S100PBP: variants seen among roughly 807,000 people sequenced by gnomAD.
The protein encoded by S100PBP is S100P-binding protein.
S100PBP carries 15 observed loss-of-function variants against 39.9 expected under a neutral mutation model. That is an observed-to-expected ratio of 0.38 (90% confidence interval 0.25 to 0.58). S100PBP has a LOEUF of 0.58. Among genes scored for constraint, S100PBP ranks in the 20% least tolerant of loss-of-function variants. The probability of loss-of-function intolerance (pLI) is 0.70; values close to 1 mark genes in which losing one functional copy is unlikely to be tolerated. For missense variants in S100PBP, 504 were observed against 487.3 expected (o/e 1.03, Z -0.32); for synonymous variants, 178 against 180.3 (o/e 0.99, Z 0.10).
Position 32,826,391 on chromosome 1 carries a change from A to C in S100PBP, c.292A>C (p.Lys98Gln). Reference sequence around the variant, plus strand: ...AATTCTACTTGATACTCCCCGAGAGAAAAATTCATCGTACAGCCTGGGACC... The same window carrying C: ...AATTCTACTTGATACTCCCCGAGAGCAAAATTCATCGTACAGCCTGGGACC... Reference protein sequence around the residue: ...SQILLDTPREKNSSYSLGPVA... With the variant: ...SQILLDTPREQNSSYSLGPVA... Residue 98 changes from lysine (K) to glutamine (Q), a missense_variant, in exon 3 of 7, where the codon AAA becomes CAA. Transcript: ENST00000373475. 6.2e-7 allele frequency: 1 copy of C among 1,614,144 alleles called. No homozygotes were observed. Among genetic ancestry groups the C allele is most frequent in the Middle Eastern group, 1.6e-4 (1 of 6,062 alleles).
At chr1:32,833,370 CT>C (rs747323217) in intron 5 of S100PBP, among the ~76,000 whole-genome samples, 766 of 141,046 alleles carry the variant, frequency 5.4e-3, no homozygotes, top group Non-Finnish European at 7.9e-3. Context: ...TTATTATTTT[CT>C]TTTTTTTTTT....
rs2148648070 is a variant in S100PBP at position 32,827,987 on chromosome 1, A to G, written c.832-6A>G. ...TTTCCTTTTGCATTCCTTTTCCTCA[A>G]AAAAGCAGGATGTTCTTAACAAGGA... On this transcript the variant is annotated splice_region_variant and splice_polypyrimidine_tract_variant and intron_variant, in intron 3 of 6. Transcript: ENST00000373475. The G allele has an allele frequency of 1.2e-6, 2 of 1,600,208 alleles. No homozygotes were observed.
intron 5 of S100PBP, among the ~76,000 whole-genome samples, chr1:32,838,103 A>T (rs554063548): frequency 5.3e-5 from 8 of 152,118 alleles, no homozygotes; most frequent in Admixed American, 4.6e-4. Context: ...GCACTTTTGG[A>T]GGCCGAGGCG....
intron 1 of S100PBP, among the ~76,000 whole-genome samples, chr1:32,823,928 G>T (rs1639198732): frequency 1.3e-5 from 2 of 152,240 alleles, no homozygotes; most frequent in Non-Finnish European, 2.9e-5. Flanking sequence ...GCTGGGTGCA[G>T]TGGCTCACGC....
At chr1:32,829,720 G>A (rs551667916) in intron 4 of S100PBP, among the ~76,000 whole-genome samples, 1 of 152,258 alleles carries the variant, frequency 6.6e-6, no homozygotes, top group African/African-American at 2.4e-5. Context: ...GATACTCCCA[G>A]AGTGCTGGGA....
At chr1:32,836,732 T>A (rs578112072) in intron 5 of S100PBP, 1 of 272,406 alleles carries the variant, frequency 3.7e-6, no homozygotes, top group East Asian at 1.8e-4. Flanking sequence ...TTTCCTCTGC[T>A]GCCCTCCTGG....
At chr1:32,855,606 GTT>G in intron 6 of S100PBP, among the ~76,000 whole-genome samples, 1 of 149,232 alleles carries the variant, frequency 6.7e-6, no homozygotes, top group South Asian at 2.1e-4. Flanking sequence ...GAATAAAATG[GTT>G]TTTTTTTTCT....
upstream of S100PBP, chr1:32,817,596 C>T: frequency 2.3e-6 from 1 of 443,846 alleles, no homozygotes; most frequent in African/African-American, 2.0e-5. Context: ...CCGGCTGACT[C>T]GGGGTAGGGG....
At chr1:32,853,293 G>A (rs1227955895) in intron 6 of S100PBP, 127 bp downstream of exon 6, 4 of 365,680 alleles carry the variant, frequency 1.1e-5, no homozygotes, top group Non-Finnish European at 2.0e-5. Flanking sequence ...GGCTAACATG[G>A]TGAAACCCCA....
intron 1 of S100PBP, among the ~76,000 whole-genome samples, chr1:32,822,408 A>G (rs1639114430): frequency 6.6e-6 from 1 of 151,830 alleles, no homozygotes; most frequent in African/African-American, 2.4e-5. Context: ...AGGTCAGGAG[A>G]TCAAGACCAT....
At chr1:32,829,403 A>C (rs1024565123) in intron 4 of S100PBP, among the ~76,000 whole-genome samples, 1 of 151,846 alleles carries the variant, frequency 6.6e-6, no homozygotes, top group African/African-American at 2.4e-5. Context: ...AGTAATCTTC[A>C]CCTTTCTATT....
intron 5 of S100PBP, among the ~76,000 whole-genome samples, chr1:32,838,773 G>T (rs1201662567): frequency 6.6e-6 from 1 of 151,930 alleles, no homozygotes; most frequent in Non-Finnish European, 1.5e-5. Context: ...AACCCAGGAG[G>T]CAGAGGTTGC....
At position 32,856,000 on chromosome 1, in the gene S100PBP, C is replaced by A. The variant is rs766615926; in HGVS notation, c.1189C>A (p.His397Asn). ...QWVDRNMRSH[H>N]RFQRLPDFSY... ...GGTTGACAGGAACATGCGAAGCCAC[C>A]ATCGGTTCCAGCGTCTCCCAGACTT... The change falls in exon 7 of 7, where the codon CAT becomes AAT. Residue 397 changes from histidine (H) to asparagine (N), a missense_variant. Physicochemically the swap from His to Asn is moderately conservative, Grantham distance 68 (BLOSUM62 1). Coordinates refer to ENST00000373475, the MANE Select transcript of S100PBP (RefSeq NM_022753.4). 12 of 1,613,478 alleles carry A rather than the reference C, an allele frequency of 7.4e-6. No individual in the cohort carries two copies. The highest frequency in any genetic ancestry group is 1.0e-5 in the Non-Finnish European group (12 of 1,179,636).
intron 1 of S100PBP, among the ~76,000 whole-genome samples, chr1:32,824,531 G>A (rs1460024249): frequency 2.6e-5 from 4 of 151,382 alleles, no homozygotes; most frequent in East Asian, 3.9e-4. Context: ...TGGTCCCTGC[G>A]AGTTATAATA....
intron 6 of S100PBP, among the ~76,000 whole-genome samples, chr1:32,854,158 A>G (rs754712725): frequency 6.6e-6 from 1 of 152,296 alleles, no homozygotes; most frequent in South Asian, 2.1e-4. Flanking sequence ...TATTCAGTCT[A>G]TCAGCAAATC....
intron 5 of S100PBP, chr1:32,843,060 AGTATCTGT>A (rs1640194162): frequency 6.6e-6 from 1 of 152,114 alleles, no homozygotes; most frequent in African/African-American, 2.4e-5. Flanking sequence ...TTAAAATTTC[AGTATCTGT>A]TCATTGCTAT....
chr1:32,855,394 T>C lies in S100PBP; in HGVS notation c.1113-530T>C, dbSNP rs557264877. On this transcript the variant is annotated intron_variant, in intron 6 of 6. Transcript: ENST00000373475. Reference sequence around the variant, plus strand: ...CCCAGCACATAACTAAATGAGACTTTTAAGAAATTTTACTGTGAGTCTGTG... The same window carrying C: ...CCCAGCACATAACTAAATGAGACTTCTAAGAAATTTTACTGTGAGTCTGTG... Among the ~76,000 whole-genome samples the C allele has an allele frequency of 3.9e-5, 6 of 152,306 alleles. No individual in the cohort carries two copies. In the East Asian group the frequency reaches 9.6e-4, roughly 24 times the overall value.
upstream of S100PBP, chr1:32,817,287 G>A (rs370967878): frequency 1.9e-6 from 3 of 1,611,400 alleles, no homozygotes; most frequent in Non-Finnish European, 2.5e-6. Flanking sequence ...CGGCACCAGA[G>A]CCCCTTCCTG....
chr1:32,851,690 GAAA>G (rs759496427), intron 5 of S100PBP, among the ~76,000 whole-genome samples: 1 of 150,320 alleles, frequency 6.7e-6, no homozygotes, highest in African/African-American at 2.4e-5. Flanking sequence ...ACAAAAAAAA[GAAA>G]AAAAAAGTGT....
Sources: allele counts gnomAD v4.1 joint callset (sites outside exome capture counted in the v4.1 genomes callset), GRCh38; gene constraint gnomAD v4.1.1; transcripts MANE v1.5; gene names NCBI Gene and HGNC (gene_info 2026-07-23, HGNC 2026-07-21).